The following CAMTA1 variants were observed in gnomAD, a reference collection of about 807,000 sequenced individuals.
The protein encoded by CAMTA1 is calmodulin binding transcription activator 1.
In CAMTA1, 27 loss-of-function variants were observed where a neutral mutation model predicts 170.9. The observed-to-expected ratio is 0.16, with a 90% confidence interval of 0.12 to 0.22. The LOEUF (loss-of-function observed/expected upper bound fraction) is 0.22. Ranked by LOEUF, CAMTA1 falls within the 10% of genes least tolerant of loss-of-function variation. The probability of loss-of-function intolerance (pLI) is 1.00; values close to 1 mark genes in which losing one functional copy is unlikely to be tolerated. For synonymous variants in CAMTA1, 833 were observed against 891.5 expected (o/e 0.93, Z 1.17); for missense variants, 1,619 against 2,217.2 (o/e 0.73, Z 5.42).
At chr1:7,200,568 A>G (rs901324805) in intron 4 of CAMTA1, among the ~76,000 whole-genome samples, 11 of 152,088 alleles carry the variant, frequency 7.2e-5, no homozygotes, top group African/African-American at 2.4e-4. Flanking sequence ...TGAATCGGAC[A>G]TTTTTGACGA....
chr1:7,013,520 CCTT>C (rs1257777269), intron 3 of CAMTA1, among the ~76,000 whole-genome samples: 1 of 152,254 alleles, frequency 6.6e-6, no homozygotes, highest in East Asian at 1.9e-4. Context: ...GCCCCTTTGT[CCTT>C]CTTGAGTCTT....
intron 3 of CAMTA1, among the ~76,000 whole-genome samples, chr1:6,988,214 G>A (rs935827050): frequency 6.6e-6 from 1 of 152,054 alleles, no homozygotes; most frequent in Non-Finnish European, 1.5e-5. Flanking sequence ...GTGCGGGTGC[G>A]CTGGGTGATT....
chr1:6,826,739 TG>T (rs1647170654), intron 3 of CAMTA1, among the ~76,000 whole-genome samples: 1 of 152,242 alleles, frequency 6.6e-6, no homozygotes, highest in African/African-American at 2.4e-5. Context: ...CCATGTCTTG[TG>T]GCAGTTTATT....
At chr1:7,424,562 G>T (rs1557691578) in intron 5 of CAMTA1, among the ~76,000 whole-genome samples, 1 of 152,074 alleles carries the variant, frequency 6.6e-6, no homozygotes, top group Non-Finnish European at 1.5e-5. Flanking sequence ...CCACGTCCTG[G>T]CCTGAAACTA....
At chr1:7,393,054 T>TA (rs34475514) in intron 5 of CAMTA1, among the ~76,000 whole-genome samples, 91,056 of 144,912 alleles carry the variant, frequency 0.63, 28,681 homozygotes, top group Middle Eastern at 0.7. Context: ...CTATATCTCT[T>TA]AAAAAAAAAA....
chr1:7,616,563 C>T (rs2095560297), intron 6 of CAMTA1, among the ~76,000 whole-genome samples: 1 of 152,234 alleles, frequency 6.6e-6, no homozygotes, highest in Admixed American at 6.5e-5. Context: ...GAAGCCGGGC[C>T]TCGGGGGTGA....
chr1:7,416,814 C>G (rs548581064), intron 5 of CAMTA1, among the ~76,000 whole-genome samples: 58 of 152,180 alleles, frequency 3.8e-4, no homozygotes, highest in Non-Finnish European at 2.5e-4. Context: ...TAACTATGTT[C>G]CTTTGGAGGA....
At chr1:7,687,290 A>G (rs1370759923) in intron 11 of CAMTA1, among the ~76,000 whole-genome samples, 1 of 151,506 alleles carries the variant, frequency 6.6e-6, no homozygotes, top group Non-Finnish European at 1.5e-5. Context: ...GATGTGACCC[A>G]TGGAGGCTAA....
At chr1:7,535,799 A>G (rs924308125) in intron 6 of CAMTA1, among the ~76,000 whole-genome samples, 4 of 152,186 alleles carry the variant, frequency 2.6e-5, no homozygotes, top group Non-Finnish European at 5.9e-5. Context: ...CAGTCCCTGT[A>G]CTTTGAGACC....
intron 3 of CAMTA1, among the ~76,000 whole-genome samples, chr1:7,089,097 G>A (rs184174107): frequency 1.7e-4 from 26 of 152,212 alleles, no homozygotes; most frequent in African/African-American, 6.0e-4. Context: ...CGGGCTGCTA[G>A]ACAGGTGGCT....
intron 4 of CAMTA1, among the ~76,000 whole-genome samples, chr1:7,247,733 G>C (rs2149293298): frequency 6.6e-6 from 1 of 152,298 alleles, no homozygotes. Context: ...TTCAGGGGCG[G>C]GGAGGGCTTA....
At chr1:7,749,335 C>T (rs1023080621) in intron 19 of CAMTA1, among the ~76,000 whole-genome samples, 8 of 152,226 alleles carry the variant, frequency 5.3e-5, no homozygotes, top group African/African-American at 1.4e-4. Flanking sequence ...TCTTTGGCTT[C>T]GAGCCAGTTG....
intron 4 of CAMTA1, among the ~76,000 whole-genome samples, chr1:7,150,873 G>T (rs1159870890): frequency 5.3e-5 from 8 of 152,152 alleles, no homozygotes; most frequent in African/African-American, 1.9e-4. Context: ...TGCCGCAGAC[G>T]GACTCAGAAA....
intron 4 of CAMTA1, among the ~76,000 whole-genome samples, chr1:7,220,465 T>C (rs1316473360): frequency 6.6e-6 from 1 of 152,170 alleles, no homozygotes. Context: ...CTATTTTTTC[T>C]CTGGGTGGAT....
intron 5 of CAMTA1, among the ~76,000 whole-genome samples, chr1:7,280,686 C>T (rs1671381368): frequency 6.6e-6 from 1 of 152,224 alleles, no homozygotes; most frequent in African/African-American, 2.4e-5. Flanking sequence ...AACCAACCCG[C>T]CAGTGGTGGG....
chr1:7,470,556 G>A (rs1459787643), intron 6 of CAMTA1, among the ~76,000 whole-genome samples: 3 of 152,180 alleles, frequency 2.0e-5, no homozygotes, highest in South Asian at 2.1e-4. Flanking sequence ...TGCCAGCCCC[G>A]AGCCAGCCTG....
At chr1:7,749,351 A>G (rs1444244074) in intron 19 of CAMTA1, among the ~76,000 whole-genome samples, 1 of 152,146 alleles carries the variant, frequency 6.6e-6, no homozygotes, top group South Asian at 2.1e-4. Context: ...AGTTGAGTTC[A>G]TGATCCCAGA....
intron 3 of CAMTA1, chr1:6,871,687 C>A: frequency 5.1e-6 from 7 of 1,368,420 alleles, no homozygotes; most frequent in South Asian, 3.8e-5. Context: ...ACAGTGGAAT[C>A]TTTTCAAGAG....
At chr1:6,833,659 TACATCA>T (rs1557657604) in intron 3 of CAMTA1, among the ~76,000 whole-genome samples, 2 of 152,178 alleles carry the variant, frequency 1.3e-5, no homozygotes, top group Non-Finnish European at 2.9e-5. Flanking sequence ...TTGGCACAAA[TACATCA>T]TTTAGTTTTA....
Sources: gnomAD v4.1 joint callset for allele counts (sites outside exome capture counted in the v4.1 genomes callset) on GRCh38, gnomAD v4.1.1 for gene constraint, MANE v1.5 for transcripts, NCBI Gene and HGNC (gene_info 2026-07-23, HGNC 2026-07-21) for gene names.